The following DOCK10 variants were observed in gnomAD, a reference collection of about 807,000 sequenced individuals.
DOCK10 encodes the protein dedicator of cytokinesis 10, also known as dedicator of cytokinesis protein 10.
In DOCK10, 145 loss-of-function variants were observed where a neutral mutation model predicts 280.1. The observed-to-expected ratio is 0.52, with a 90% confidence interval of 0.45 to 0.59. The LOEUF is 0.59. Among genes scored for constraint, DOCK10 ranks in the 20% least tolerant of loss-of-function variants. The probability of loss-of-function intolerance (pLI) is 0.00; values close to 1 mark genes in which losing one functional copy is unlikely to be tolerated. For missense variants in DOCK10, 2,368 were observed against 2,651.7 expected (o/e 0.89, Z 2.35); for synonymous variants, 915 against 942.2 (o/e 0.97, Z 0.53).
intron 1 of DOCK10, among the ~76,000 whole-genome samples, chr2:225,030,789 AT>A (rs1374177325): frequency 6.6e-6 from 1 of 152,224 alleles, no homozygotes; most frequent in Non-Finnish European, 1.5e-5. Flanking sequence ...ATATTTAACA[AT>A]AAAAATTTTA....
chr2:225,009,635 A>G (rs12467942), intron 1 of DOCK10, among the ~76,000 whole-genome samples: 5,146 of 97,020 alleles, frequency 0.053, 198 homozygotes, highest in African/African-American at 0.15. Context: ...GCAAGCCCTA[A>G]GGCAAAAAAA....
chr2:224,919,243 TGTG>T (rs143744824), intron 2 of DOCK10, among the ~76,000 whole-genome samples: 34,534 of 148,384 alleles, frequency 0.23, 4,435 homozygotes, highest in Non-Finnish European at 0.28. Context: ...TATGTGGGTG[TGTG>T]GTATGTGAAT....
chr2:224,800,230 A>C lies in DOCK10; in HGVS notation c.4427T>G (p.Val1476Gly), dbSNP rs965908766. Residue 1476 changes from valine (V) to glycine (G), a missense_variant, in exon 41 of 56, where the codon GTA becomes GGA. Physicochemically the swap from Val to Gly is moderately radical, Grantham distance 109. Transcript: ENST00000258390. Reference protein sequence around the residue: ...NSNEIDIVHHVDTEANIATEV... With the variant: ...NSNEIDIVHHGDTEANIATEV... ...CGTAGCTATATTGGCCTCAGTGTCT[A>C]CATGATGCACGATGTCTATTTCATT... 20 of 1,611,552 alleles carry C rather than the reference A, an allele frequency of 1.2e-5. No homozygotes were observed. The highest frequency in any genetic ancestry group is 8.4e-5 in the Admixed American group (5 of 59,826).
Position 224,816,075 on chromosome 2 carries a change from C to T in DOCK10, c.3364+542G>A, listed in dbSNP as rs559039798. On this transcript the variant is annotated intron_variant, in intron 30 of 55. Transcript: ENST00000258390. The stretch of plus-strand genomic sequence containing the variant: ...CCTCCCCCGCAAGAAAAAAACTGTA[C>T]CTCATAAATAGTTTACTCATTGGTT... Among the ~76,000 whole-genome samples the T allele has an allele frequency of 2.0e-5, 3 of 151,916 alleles. No homozygotes were observed. In the South Asian group the frequency reaches 6.2e-4, roughly 32 times the overall value.
chr2:225,023,497 G>A (rs2106106783), intron 1 of DOCK10, among the ~76,000 whole-genome samples: 1 of 152,250 alleles, frequency 6.6e-6, no homozygotes, highest in Admixed American at 6.5e-5. Context: ...ATGCAAATTT[G>A]AAAAGTGATT....
chr2:224,819,304 A>G, intron 29 of DOCK10, 142 bp downstream of exon 29: 1 of 506,270 alleles, frequency 2.0e-6, no homozygotes, highest in Non-Finnish European at 3.5e-6. Context: ...CAGCAGATGA[A>G]ACATTAAAAG....
chr2:224,946,927 T>A, intron 1 of DOCK10: 1 of 1,542,886 alleles, frequency 6.5e-7, no homozygotes, highest in Non-Finnish European at 8.7e-7. Flanking sequence ...GGCTCCCGTT[T>A]AAAAACCTTC....
intron 1 of DOCK10, among the ~76,000 whole-genome samples, chr2:224,964,695 GGT>G (rs1050945937): frequency 6.6e-6 from 1 of 152,078 alleles, no homozygotes; most frequent in Non-Finnish European, 1.5e-5. Context: ...TCTAAGAAAA[GGT>G]GATGACTGGT....
rs181379861 is a variant in DOCK10, at chr2:224,849,059, T to G, written c.2235+448A>C. On this transcript the variant is annotated intron_variant, in intron 19 of 55. Transcript: ENST00000258390. Reference sequence around the variant, plus strand: ...GGCATGATCTCAGCTTACCACAATCTCCGACTCCCTGGTTCAAGCGAGTCT... The same window carrying G: ...GGCATGATCTCAGCTTACCACAATCGCCGACTCCCTGGTTCAAGCGAGTCT... 5.3e-5 allele frequency among the ~76,000 whole-genome samples: 8 copies of G among 152,278 alleles called. 1 individual carries two copies. The East Asian group carries it at 1.5e-3, about 29-fold the overall frequency.
intron 1 of DOCK10, among the ~76,000 whole-genome samples, chr2:224,965,650 A>G (rs181880553): frequency 6.6e-6 from 1 of 152,320 alleles, no homozygotes; most frequent in African/African-American, 2.4e-5. Flanking sequence ...TTACCTTTCT[A>G]TCGTTTAGAG....
chr2:224,917,455 A>G (rs1342411638), intron 2 of DOCK10, among the ~76,000 whole-genome samples: 1 of 152,152 alleles, frequency 6.6e-6, no homozygotes, highest in Non-Finnish European at 1.5e-5. Flanking sequence ...TATTTTAATA[A>G]TATCGTAAAT....
At position 224,800,249 on chromosome 2, in the gene DOCK10, T is replaced by G. The variant is rs775725841; in HGVS notation, c.4408A>C (p.Ile1470Leu). The change falls in exon 41 of 56, where the codon ATA becomes CTA. Residue 1470 changes from isoleucine (I) to leucine (L), a missense_variant. By Grantham distance (5) the Ile-to-Leu change is conservative. Around this residue, in one of 2 missense-constraint regions of DOCK10, gnomAD observed 1,159 missense variants for 1,400.8 expected, o/e 0.83. Transcript: ENST00000258390. ...GTGTCTACATGATGCACGATGTCTATTTCATTGGAGTTGCCTATAAAATAC... is the reference window on the plus strand; with the variant it reads ...GTGTCTACATGATGCACGATGTCTAGTTCATTGGAGTTGCCTATAAAATAC... ...DNTMTSNSNE[I>L]DIVHHVDTEA... 4 of 1,609,334 alleles carry G rather than the reference T, an allele frequency of 2.5e-6. No homozygotes were observed. The Admixed American group carries it at 6.7e-5, about 27-fold the overall frequency.
intron 30 of DOCK10, 98 bp downstream of exon 30, chr2:224,816,519 C>T: frequency 1.3e-6 from 1 of 788,796 alleles, no homozygotes; most frequent in Non-Finnish European, 2.1e-6. Context: ...AAAATTATGA[C>T]TGAAGAAACA....
intron 41 of DOCK10, among the ~76,000 whole-genome samples, chr2:224,799,439 C>T (rs760893976): frequency 3.9e-5 from 6 of 152,032 alleles, no homozygotes; most frequent in Non-Finnish European, 8.8e-5. Flanking sequence ...TTTGTAGTTT[C>T]TTTTTTTGCT....
intron 7 of DOCK10, 96 bp downstream of exon 7, chr2:224,885,575 C>T: frequency 8.3e-7 from 1 of 1,204,452 alleles, no homozygotes; most frequent in Non-Finnish European, 1.1e-6. Context: ...GAATCTAGAG[C>T]AGCTCTTGGC....
At chr2:224,939,612 G>A (rs1378546007) in intron 1 of DOCK10, among the ~76,000 whole-genome samples, 6 of 152,164 alleles carry the variant, frequency 3.9e-5, no homozygotes, top group Non-Finnish European at 1.5e-5. Flanking sequence ...AAGGCTGCCT[G>A]ACACAAGGGA....
intron 1 of DOCK10, among the ~76,000 whole-genome samples, chr2:225,006,303 AT>A (rs1353123732): frequency 2.0e-5 from 3 of 152,162 alleles, no homozygotes; most frequent in African/African-American, 7.2e-5. Context: ...ATTTACTTAT[AT>A]CACAGCTTTA....
chr2:224,806,148 T>C lies in DOCK10; in HGVS notation c.3792A>G (p.Lys1264=), dbSNP rs1302955547. Residue 1264 remains lysine, a synonymous_variant, in exon 34 of 56, where the codon AAA becomes AAG. Coordinates refer to ENST00000258390, the MANE Select transcript of DOCK10 (RefSeq NM_014689.3). ...TACCTGCTATGGAATTTAAAACATC[T>C]TTAGAAAATGATGTATCCACAGAGT... ...HANSVDTSFS[K]DVLNSIAAFS... 1.9e-6 allele frequency: 3 copies of C among 1,604,802 alleles called. No homozygotes were observed. The Admixed American group carries it at 5.0e-5, about 27-fold the overall frequency.
At chr2:224,966,163 T>C (rs1015599114) in intron 1 of DOCK10, among the ~76,000 whole-genome samples, 2 of 152,096 alleles carry the variant, frequency 1.3e-5, no homozygotes, top group Non-Finnish European at 2.9e-5. Context: ...GTGCAGCCTA[T>C]ACACCATCCA....
Sources: gnomAD v4.1 joint callset for allele counts (sites outside exome capture counted in the v4.1 genomes callset) on GRCh38, gnomAD v4.1.1 for gene constraint, gnomAD v4.1.1 regional missense constraint, MANE v1.5 for transcripts, NCBI Gene and HGNC (gene_info 2026-07-23, HGNC 2026-07-21) for gene names.